ABTB3: variants seen among roughly 807,000 people sequenced by gnomAD.
ABTB3 encodes ankyrin repeat and BTB domain containing 3, also known as ankyrin repeat- and BTB/POZ domain-containing protein 3.
At chr12:107,581,327 G>A in the ABTB3 span, 6 of 1,309,688 alleles carry the variant, frequency 4.6e-6, no homozygotes, top group East Asian at 2.0e-4. Context: ...GCGGGCGGGG[G>A]GCGGCAGGGG....
chr12:107,647,336 A>G, the ABTB3 span, among the ~76,000 whole-genome samples: 1 of 151,920 alleles, frequency 6.6e-6, no homozygotes, highest in Non-Finnish European at 1.5e-5. Context: ...TCTCAAACTA[A>G]AAATAAATAA....
the ABTB3 span, among the ~76,000 whole-genome samples, chr12:107,399,249 T>G: frequency 4.6e-5 from 7 of 152,106 alleles, no homozygotes; most frequent in African/African-American, 1.7e-4. Flanking sequence ...CTGAGCACAT[T>G]CTCCAAGAGT....
chr12:107,567,012 G>A, the ABTB3 span, among the ~76,000 whole-genome samples: 1 of 152,198 alleles, frequency 6.6e-6, no homozygotes, highest in Admixed American at 6.5e-5. Context: ...AGCTACTCAG[G>A]AAGCTGAGGT....
the ABTB3 span, among the ~76,000 whole-genome samples, chr12:107,582,834 C>G: frequency 2.6e-3 from 389 of 152,356 alleles, 1 homozygote; most frequent in South Asian, 0.019. Flanking sequence ...CCCACCACTC[C>G]TGCTCATTGC....
At chr12:107,617,018 A>G in the ABTB3 span, 1 of 1,497,012 alleles carries the variant, frequency 6.7e-7, no homozygotes, top group South Asian at 1.1e-5. Flanking sequence ...CACCCATCCC[A>G]GCAGTCTTTC....
At chr12:107,600,655 G>T in the ABTB3 span, among the ~76,000 whole-genome samples, 3 of 152,340 alleles carry the variant, frequency 2.0e-5, no homozygotes, top group Middle Eastern at 3.4e-3. Context: ...TTCCATATGA[G>T]CAAGGAAAAG....
the ABTB3 span, among the ~76,000 whole-genome samples, chr12:107,470,587 T>C: frequency 2.0e-5 from 3 of 152,192 alleles, no homozygotes; most frequent in Non-Finnish European, 2.9e-5. Context: ...GGACCCTTCA[T>C]AGACCTGGAT....
the ABTB3 span, among the ~76,000 whole-genome samples, chr12:107,354,356 A>G: frequency 6.6e-6 from 1 of 151,990 alleles, no homozygotes; most frequent in Non-Finnish European, 1.5e-5. Flanking sequence ...CCCAAAAGAA[A>G]CCCCTATAAT....
chr12:107,578,383 C>CTTTTTTTCTTTT, the ABTB3 span, among the ~76,000 whole-genome samples: 1 of 57,198 alleles, frequency 1.7e-5, no homozygotes, highest in Non-Finnish European at 3.0e-5. Context: ...CTTTCTTCTT[C>CTTTTTTTCTTTT]TTTTTTTTTT....
the ABTB3 span, among the ~76,000 whole-genome samples, chr12:107,463,877 T>C: frequency 6.6e-6 from 1 of 152,182 alleles, no homozygotes; most frequent in Non-Finnish European, 1.5e-5. Flanking sequence ...CATTCCTGCC[T>C]GGGATCAGAA....
the ABTB3 span, chr12:107,658,650 A>C: frequency 6.6e-6 from 1 of 152,622 alleles, no homozygotes; most frequent in African/African-American, 2.4e-5. Flanking sequence ...CTAAAACTCC[A>C]TTTGGTGAAA....
At chr12:107,652,485 CAGATGGGGCCA>C in the ABTB3 span, among the ~76,000 whole-genome samples, 1 of 152,090 alleles carries the variant, frequency 6.6e-6, no homozygotes, top group Non-Finnish European at 1.5e-5. Flanking sequence ...AGGTGATTCT[CAGATGGGGCCA>C]AGATTGAGAA....
At chr12:107,397,212 G>A in the ABTB3 span, among the ~76,000 whole-genome samples, 5 of 152,192 alleles carry the variant, frequency 3.3e-5, no homozygotes, top group South Asian at 2.1e-4. Context: ...CAAACAGGCC[G>A]TTTGCACTGA....
the ABTB3 span, chr12:107,618,287 C>T: frequency 3.7e-6 from 6 of 1,613,998 alleles, no homozygotes; most frequent in Non-Finnish European, 5.1e-6. Context: ...CCAGCCGCAA[C>T]AGCAAGGCCA....
chr12:107,319,247 G>A, the ABTB3 span: 1 of 1,561,170 alleles, frequency 6.4e-7, no homozygotes, highest in Non-Finnish European at 8.6e-7. Flanking sequence ...GACTCTCCAG[G>A]AGCTGGAGGC....
At chr12:107,404,087 C>T in the ABTB3 span, among the ~76,000 whole-genome samples, 3 of 139,866 alleles carry the variant, frequency 2.1e-5, no homozygotes, top group Admixed American at 2.3e-4. Context: ...TGCTTGAACC[C>T]GGGAGGCAGA....
chr12:107,394,337 T>G, the ABTB3 span, among the ~76,000 whole-genome samples: 1 of 152,210 alleles, frequency 6.6e-6, no homozygotes, highest in Admixed American at 6.5e-5. Flanking sequence ...GGCTTTTTCA[T>G]TAGGAAGGTT....
the ABTB3 span, chr12:107,657,594 A>G: frequency 1.2e-6 from 2 of 1,614,214 alleles, no homozygotes; most frequent in Non-Finnish European, 1.7e-6. Context: ...GAAGCATTCA[A>G]GCAGCTCCTG....
chr12:107,490,419 C>T, the ABTB3 span, among the ~76,000 whole-genome samples: 2 of 152,064 alleles, frequency 1.3e-5, no homozygotes, highest in Non-Finnish European at 2.9e-5. Context: ...AATATTATTC[C>T]ACCTGGACTG....
Sources: allele counts gnomAD v4.1 joint callset (sites outside exome capture counted in the v4.1 genomes callset), GRCh38; gene constraint gnomAD v4.1.1; transcripts MANE v1.5; gene names NCBI Gene and HGNC (gene_info 2026-07-23, HGNC 2026-07-21).